The following NINL variants were observed in gnomAD, a reference collection of about 807,000 sequenced individuals.
NINL encodes the protein ninein like.
Under a neutral mutation model 160.3 loss-of-function variants are expected in NINL, and 153 were observed. That is an observed-to-expected ratio of 0.95 (90% CI 0.84 to 1.09). NINL has a LOEUF of 1.09. NINL is among the 50% of genes least tolerant of loss of function. NINL has a pLI of 0.00. For synonymous variants in NINL, 800 were observed against 734.8 expected, an observed-to-expected ratio of 1.09 and a Z score of -1.43; for missense variants, 1,829 against 1,764.0, an observed-to-expected ratio of 1.04 and a Z score of -0.66.
At chr20:25,488,996 C>A (rs948032624) in intron 13 of NINL, 110 of 506,884 alleles carry the variant, frequency 2.2e-4, no homozygotes, top group Non-Finnish European at 3.3e-4. Flanking sequence ...CCCAGGAAAG[C>A]TAAACATGAA....
intron 2 of NINL, 99 bp downstream of exon 2, chr20:25,526,309 G>T: frequency 9.2e-7 from 1 of 1,092,422 alleles, no homozygotes; most frequent in Non-Finnish European, 1.3e-6. Flanking sequence ...ACTTTCCTTT[G>T]ACACTTGAAT....
chr20:25,495,600 T>C (rs565212075), intron 10 of NINL, among the ~76,000 whole-genome samples: 1 of 152,302 alleles, frequency 6.6e-6, no homozygotes, highest in African/African-American at 2.4e-5. Context: ...AGGCCAGCCA[T>C]GTCTTGCTGC....
chr20:25,538,330 T>C (rs1443445286), intron 1 of NINL, among the ~76,000 whole-genome samples: 2 of 152,194 alleles, frequency 1.3e-5, no homozygotes, highest in East Asian at 3.9e-4. Context: ...AAGGCCTTGC[T>C]CCTGGGCAGT....
At chr20:25,550,802 CA>C (rs2064799436) in intron 1 of NINL, among the ~76,000 whole-genome samples, 1 of 152,236 alleles carries the variant, frequency 6.6e-6, no homozygotes, top group African/African-American at 2.4e-5. Flanking sequence ...TCAGGTTTTA[CA>C]CTGAGACATT....
At chr20:25,511,238 G>T (rs964805775) in intron 4 of NINL, among the ~76,000 whole-genome samples, 1 of 152,094 alleles carries the variant, frequency 6.6e-6, no homozygotes, top group Non-Finnish European at 1.5e-5. Flanking sequence ...GCAAACAGTC[G>T]CAAGGTGAGA....
chr20:25,549,286 ACACCCAGCCT>A (rs1225224377), intron 1 of NINL, among the ~76,000 whole-genome samples: 2 of 150,476 alleles, frequency 1.3e-5, no homozygotes, highest in East Asian at 4.0e-4. Flanking sequence ...CACACCTCCC[ACACCCAGCCT>A]CACCCAGGGC....
chr20:25,553,841 CA>C (rs753394704), intron 1 of NINL, among the ~76,000 whole-genome samples: 6 of 152,234 alleles, frequency 3.9e-5, no homozygotes, highest in Non-Finnish European at 8.8e-5. Context: ...CCAACTTGGG[CA>C]GCAGGAGGAT....
intron 7 of NINL, among the ~76,000 whole-genome samples, chr20:25,501,345 C>T (rs1159092223): frequency 6.6e-6 from 1 of 152,256 alleles, no homozygotes; most frequent in Non-Finnish European, 1.5e-5. Context: ...TAACGTTCCA[C>T]CCTTGAATTC....
rs1449861698 is a variant in NINL, at chr20:25,477,033, G to A, written c.2258C>T (p.Ala753Val). 6.3e-7 allele frequency: 1 copy of A among 1,599,298 alleles called. No homozygotes were observed. The highest frequency in any genetic ancestry group is 1.3e-5 in the African/African-American group (1 of 74,914). The change falls in exon 17 of 24, where the codon GCT becomes GTT. Residue 753 changes from alanine to valine, a missense_variant. Physicochemically the swap from Ala to Val is moderately conservative, Grantham distance 64 (BLOSUM62 0). Coordinates refer to ENST00000278886, the MANE Select transcript of NINL (RefSeq NM_025176.6). The stretch of plus-strand genomic sequence containing the variant: ...CAGCTCCAAGGTCAGGTCTCTGCGA[G>A]CGGGCAGGGCTCCCAGCCCCGACAG... ...GELSGLGALP[A>V]RRDLTLELEE...
At chr20:25,549,958 A>T (rs191440065) in intron 1 of NINL, among the ~76,000 whole-genome samples, 319 of 152,380 alleles carry the variant, frequency 2.1e-3, no homozygotes, top group Admixed American at 3.8e-3. Flanking sequence ...CAAGAATGAA[A>T]TAAAGTGGAT....
chr20:25,523,976 C>T (rs2064308765), intron 2 of NINL, among the ~76,000 whole-genome samples: 1 of 152,206 alleles, frequency 6.6e-6, no homozygotes, highest in Non-Finnish European at 1.5e-5. Context: ...CCAATCCATT[C>T]TCCTGGATAA....
intron 10 of NINL, among the ~76,000 whole-genome samples, chr20:25,495,005 C>A (rs1231144658): frequency 6.6e-6 from 1 of 152,210 alleles, no homozygotes; most frequent in Non-Finnish European, 1.5e-5. Flanking sequence ...TGCTCCAGGA[C>A]TCAGTTTGTT....
intron 1 of NINL, among the ~76,000 whole-genome samples, chr20:25,535,121 G>A (rs1259880591): frequency 1.3e-5 from 2 of 152,162 alleles, no homozygotes; most frequent in African/African-American, 4.8e-5. Flanking sequence ...GCAACAACAT[G>A]GATACGCCTA....
intron 7 of NINL, among the ~76,000 whole-genome samples, chr20:25,501,343 C>T (rs1038579593): frequency 1.3e-5 from 2 of 152,234 alleles, no homozygotes; most frequent in Non-Finnish European, 2.9e-5. Context: ...TTTAACGTTC[C>T]ACCCTTGAAT....
chr20:25,479,197 A>G lies in NINL; in HGVS notation c.1927T>C (p.Tyr643His), dbSNP rs774867826. Residue 643 changes from tyrosine (Y) to histidine (H), a missense_variant, in exon 16 of 24, where the codon TAC becomes CAC. Physicochemically the swap from Tyr to His is moderately conservative, Grantham distance 83. Coordinates refer to ENST00000278886, the MANE Select transcript of NINL (RefSeq NM_025176.6). ...RTQLETKVNY[Y>H]EREIAALKRN... ...TTCAGTGCCGCAATTTCCCTTTCGT[A>G]GTAATTTACCTAAAACGAGAAACAT... is the stretch of plus-strand genomic sequence containing the variant. 1.2e-6 allele frequency: 2 copies of G among 1,605,902 alleles called. No homozygotes were observed. Among genetic ancestry groups the G allele is most frequent in the East Asian group, 4.5e-5 (2 of 44,688 alleles).
At chr20:25,578,404 G>A (rs1362196904) in intron 1 of NINL, among the ~76,000 whole-genome samples, 2 of 151,826 alleles carry the variant, frequency 1.3e-5, no homozygotes, top group East Asian at 1.9e-4. Flanking sequence ...CACCTCGCCC[G>A]GCCCTGAAAT....
intron 16 of NINL, among the ~76,000 whole-genome samples, chr20:25,478,612 C>T (rs1307663042): frequency 6.6e-6 from 1 of 152,198 alleles, no homozygotes; most frequent in Non-Finnish European, 1.5e-5. Context: ...CTGCCTGGCC[C>T]TGGAGAAGCG....
intron 1 of NINL, among the ~76,000 whole-genome samples, chr20:25,554,448 G>A (rs2064840454): frequency 6.6e-6 from 1 of 152,044 alleles, no homozygotes; most frequent in Non-Finnish European, 1.5e-5. Flanking sequence ...ACAACAGAAT[G>A]GCAATCTGCA....
rs759832331 is a variant in NINL, at chr20:25,467,397, T to C, written c.3415A>G (p.Asn1139Asp). 3.7e-6 allele frequency: 6 copies of C among 1,613,618 alleles called. No homozygotes were observed. The highest frequency in any genetic ancestry group is 3.3e-5 in the South Asian group (3 of 91,076). The stretch of plus-strand genomic sequence containing the variant: ...AGGCGTCGATACGTCACCTGTCTGT[T>C]GAGCACCTCCATCTCAGAGCAGGCC... The part of the protein sequence containing the change: ...EKACSEMEVL[N>D]RQNQNYKDQL... The change falls in exon 19 of 24, where the codon AAC becomes GAC. Residue 1139 changes from asparagine to aspartate, a missense_variant. Transcript: ENST00000278886.
Sources: allele counts gnomAD v4.1 joint callset (sites outside exome capture counted in the v4.1 genomes callset), GRCh38; gene constraint gnomAD v4.1.1; transcripts MANE v1.5; gene names NCBI Gene and HGNC (gene_info 2026-07-23, HGNC 2026-07-21).